The following NDUFC1 variants were observed in gnomAD, a reference collection of about 807,000 sequenced individuals.
The protein encoded by NDUFC1 is NADH:ubiquinone oxidoreductase subunit C1.
NDUFC1 carries 11 observed loss-of-function variants against 11.6 expected under a neutral mutation model. The ratio of observed to expected loss-of-function variants is 0.95; its 90% CI spans 0.60 to 1.58. The LOEUF is 1.58. Ranked by LOEUF, NDUFC1 falls within the 40% of genes most tolerant of loss-of-function variation. NDUFC1 has a pLI of 0.00. For missense variants in NDUFC1, 112 were observed against 93.0 expected (o/e 1.20, Z -0.84); for synonymous variants, 52 against 42.2 (o/e 1.23, Z -0.90).
Position 139,295,778 on chromosome 4 carries a change from C to T in NDUFC1, c.21G>A (p.Leu7=). 2 of 1,550,798 alleles carry T rather than the reference C, an allele frequency of 1.3e-6. No homozygotes were observed. The highest frequency in any genetic ancestry group is 1.7e-6 in the Non-Finnish European group (2 of 1,149,052). MAPSAL[L]RPLSRLLAPA... ...GGGCCAGCAGCCGGGAAAGGGGACG[C>T]AGCAAGGCGGACGGCGCCATCTTGC... Residue 7 remains leucine (L), a synonymous_variant, in exon 3 of 6, where the codon CTG becomes CTA. Coordinates refer to ENST00000394223, the MANE Select transcript of NDUFC1 (RefSeq NM_001184989.2).
chr4:139,295,687 G>A (rs369436407), intron 3 of NDUFC1, 45 bp downstream of exon 3: 19 of 1,528,666 alleles, frequency 1.2e-5, no homozygotes, highest in Middle Eastern at 1.8e-4. Flanking sequence ...GCCTTAGGAG[G>A]GGTAATCTGA....
At chr4:139,292,696 C>A (rs1745282550) in intron 4 of NDUFC1, 87 bp from the exon 5 acceptor site, 3 of 824,122 alleles carry the variant, frequency 3.6e-6, no homozygotes, top group East Asian at 5.8e-5. Context: ...AAAAAATAAA[C>A]AACTATTCTA....
Position 139,292,557 on chromosome 4 carries a change from A to G in NDUFC1, c.224T>C (p.Leu75Pro), listed in dbSNP as rs1745273009. Residue 75 changes from leucine (L) to proline (P), a missense_variant, in exon 5 of 6, where the codon CTG becomes CCG. Physicochemically the swap from Leu to Pro is moderately conservative, Grantham distance 98 (BLOSUM62 -3). Coordinates refer to ENST00000394223, the MANE Select transcript of NDUFC1 (RefSeq NM_001184989.2). Reference protein sequence around the residue: ...DILEYKRRNGLE With the variant: ...DILEYKRRNGPE ...CATTAGTGTTTCAAAAGTTTATTCCAGCCCATTTCTTCTTTTGTACTCTAA... is the reference window on the plus strand; with the variant it reads ...CATTAGTGTTTCAAAAGTTTATTCCGGCCCATTTCTTCTTTTGTACTCTAA... The G allele has an allele frequency of 6.4e-7, 1 of 1,557,090 alleles. No individual in the cohort carries two copies. The highest frequency in any genetic ancestry group is 8.8e-7 in the Non-Finnish European group (1 of 1,135,106).
intron 5 of NDUFC1, among the ~76,000 whole-genome samples, chr4:139,291,434 G>T (rs1745213195): frequency 6.6e-6 from 1 of 151,976 alleles, no homozygotes; most frequent in Non-Finnish European, 1.5e-5. Context: ...AATTAGCTGG[G>T]CGTGGTAGCG....
At chr4:139,296,150 T>C (rs1745468280) in intron 2 of NDUFC1, among the ~76,000 whole-genome samples, 190 bp from the exon 3 acceptor site, 1 of 152,262 alleles carries the variant, frequency 6.6e-6, no homozygotes, top group Non-Finnish European at 1.5e-5. Context: ...AATTCTGTGG[T>C]CCAGGCACGG....
rs1745276955 is a variant in NDUFC1, at chr4:139,292,609, G to A, written c.172C>T (p.Leu58Phe). Reference sequence around the variant, plus strand: ...ATATCTTCATTGTGTTGTTTGATGAGCTACAAAGAGTTAAACAGTTAAAAT... The same window carrying A: ...ATATCTTCATTGTGTTGTTTGATGAACTACAAAGAGTTAAACAGTTAAAAT... ...LGTTVFLWIY[L>F]IKQHNEDILE... Residue 58 changes from leucine (L) to phenylalanine (F), a missense_variant and splice_region_variant, in exon 5 of 6, where the codon CTC becomes TTC. Leu to Phe is a conservative substitution (Grantham distance 22). Transcript: ENST00000394223. 6.5e-7 allele frequency: 1 copy of A among 1,541,012 alleles called. No individual in the cohort carries two copies. The highest frequency in any genetic ancestry group is 8.9e-7 in the Non-Finnish European group (1 of 1,125,986).
At position 139,292,371 on chromosome 4, in the gene NDUFC1, C is replaced by T. The variant is rs1330170673; in HGVS notation, c.*20+159G>A. ...CCAAAACAAAACCAACTGCTTGAGG[C>T]AAGGTATTACAAATTTATAAATTTG... On this transcript the variant is annotated intron_variant, in intron 5 of 5. Coordinates refer to ENST00000394223, the MANE Select transcript of NDUFC1 (RefSeq NM_001184989.2). Among the ~76,000 whole-genome samples the T allele has an allele frequency of 2.7e-5, 4 of 150,420 alleles. No individual in the cohort carries two copies. In the Admixed American group the frequency reaches 2.7e-4, roughly 10 times the overall value.
At chr4:139,295,688 G>T (rs758526578) in intron 3 of NDUFC1, 44 bp downstream of exon 3, 121 of 1,528,856 alleles carry the variant, frequency 7.9e-5, no homozygotes, top group Non-Finnish European at 1.0e-4. Context: ...CCTTAGGAGG[G>T]GTAATCTGAG....
At chr4:139,290,284 G>A (rs1050490602) in intron 5 of NDUFC1, among the ~76,000 whole-genome samples, 192 bp from the exon 6 acceptor site, 1 of 147,622 alleles carries the variant, frequency 6.8e-6, no homozygotes, top group African/African-American at 2.5e-5. Context: ...AAGCCATCTG[G>A]TTTGTATTTC....
intron 4 of NDUFC1, among the ~76,000 whole-genome samples, chr4:139,294,502 C>T (rs1037166796): frequency 1.3e-5 from 2 of 150,216 alleles, no homozygotes; most frequent in Non-Finnish European, 3.0e-5. Flanking sequence ...TTTGGGAGGC[C>T]GAGGCGGGCG....
At chr4:139,301,565 G>A (rs1338184232) in intron 1 of NDUFC1, 2 of 590,440 alleles carry the variant, frequency 3.4e-6, no homozygotes, top group Non-Finnish European at 5.9e-6. Context: ...CCGTAGTGGG[G>A]GAGGCGGCGG....
At position 139,295,038 on chromosome 4, in the gene NDUFC1, C is replaced by T. The variant is rs1745397970; in HGVS notation, c.171+5G>A. 1 of 1,610,858 alleles carries T rather than the reference C, an allele frequency of 6.2e-7. No homozygotes were observed. The highest frequency in any genetic ancestry group is 1.7e-5 in the Admixed American group (1 of 59,920). On this transcript the variant is annotated splice_donor_5th_base_variant and intron_variant, in intron 4 of 5. Transcript: ENST00000394223. Reference sequence around the variant, plus strand: ...TCTCACGACATCCGGGAGTAAAGTACTTACATAGATCCACAAGAAGACAGT... The same window carrying T: ...TCTCACGACATCCGGGAGTAAAGTATTTACATAGATCCACAAGAAGACAGT...
chr4:139,295,615 G>T, intron 3 of NDUFC1, 117 bp downstream of exon 3: 1 of 1,153,664 alleles, frequency 8.7e-7, no homozygotes, highest in Non-Finnish European at 1.2e-6. Context: ...TCGTCTGCCG[G>T]CGAAGGTCAC....
intron 1 of NDUFC1, among the ~76,000 whole-genome samples, chr4:139,299,722 C>T (rs555998607): frequency 4.6e-5 from 7 of 152,048 alleles, no homozygotes; most frequent in Admixed American, 3.3e-4. Flanking sequence ...TAGTATTTGC[C>T]GAGCCTTTAA....
chr4:139,299,446 G>A (rs1745612037), intron 1 of NDUFC1, among the ~76,000 whole-genome samples: 1 of 152,012 alleles, frequency 6.6e-6, no homozygotes, highest in Non-Finnish European at 1.5e-5. Flanking sequence ...TTAGCATTTG[G>A]AACATAGTGA....
chr4:139,292,502 T>G (rs1207249191), intron 5 of NDUFC1, 28 bp downstream of exon 5: 5 of 1,096,330 alleles, frequency 4.6e-6, no homozygotes, highest in Non-Finnish European at 6.6e-6. Context: ...TTGCATAATC[T>G]ATTCATCCAA....
Position 139,295,749 on chromosome 4 carries a change from G to A in NDUFC1, c.50C>T (p.Ala17Val). 6.5e-7 allele frequency: 1 copy of A among 1,549,878 alleles called. No homozygotes were observed. The highest frequency in any genetic ancestry group is 8.7e-7 in the Non-Finnish European group (1 of 1,148,492). ...ATACTCACGGCCGCTCGGGAGCCTG[G>A]CGGGGGCCAGCAGCCGGGAAAGGGG... ...LRPLSRLLAP[A>V]RLPSGPSVRS... Residue 17 changes from alanine to valine, a missense_variant, in exon 3 of 6, where the codon GCC becomes GTC. Ala to Val is a moderately conservative substitution (Grantham distance 64). Coordinates refer to ENST00000394223, the MANE Select transcript of NDUFC1 (RefSeq NM_001184989.2).
chr4:139,301,910 G>T, intron 1 of NDUFC1: 1 of 1,477,504 alleles, frequency 6.8e-7, no homozygotes, highest in Non-Finnish European at 9.2e-7. Flanking sequence ...TCGGCCCGGC[G>T]GGCACTGAGC....
chr4:139,300,754 G>A (rs1035516922), intron 1 of NDUFC1: 15 of 152,178 alleles, frequency 9.9e-5, no homozygotes, highest in African/African-American at 3.6e-4. Flanking sequence ...TTTGAAGCCA[G>A]CTCCAGGGTA....
Sources: allele counts gnomAD v4.1 joint callset (sites outside exome capture counted in the v4.1 genomes callset), GRCh38; gene constraint gnomAD v4.1.1; transcripts MANE v1.5; gene names NCBI Gene and HGNC (gene_info 2026-07-23, HGNC 2026-07-21).